The following P3H3 variants were observed in gnomAD, a reference collection of about 807,000 sequenced individuals.
The protein encoded by P3H3 is prolyl 3-hydroxylase 3, also known as gene rich cluster, B.
Under a neutral mutation model 78.1 loss-of-function variants are expected in P3H3, and 64 were observed. The ratio of observed to expected loss-of-function variants is 0.82; its 90% CI spans 0.67 to 1.01. P3H3 has a LOEUF of 1.01. Among genes scored for constraint, P3H3 ranks in the 50% least tolerant of loss-of-function variants. P3H3 has a pLI of 0.00. For missense variants in P3H3, 975 were observed against 982.2 expected, an observed-to-expected ratio of 0.99 and a Z score of 0.10; for synonymous variants, 425 against 416.7, an observed-to-expected ratio of 1.02 and a Z score of -0.24.
intron 11 of P3H3, 70 bp downstream of exon 11, chr12:6,837,643 C>A (rs1943513080): frequency 6.3e-7 from 1 of 1,580,170 alleles, no homozygotes; most frequent in African/African-American, 1.4e-5. Context: ...CCCCCAAGAG[C>A]CCCGGGGTGG....
chr12:6,833,724 GC>G lies in P3H3; in HGVS notation c.1266-17del. 6.3e-7 allele frequency: 1 copy of G among 1,598,482 alleles called. No homozygotes were observed. The highest frequency in any genetic ancestry group is 8.6e-7 in the Non-Finnish European group (1 of 1,165,910). On this transcript the variant is annotated splice_polypyrimidine_tract_variant and intron_variant, in intron 7 of 14. Transcript: ENST00000290510. ...GGACTGTCCTGGGCACCCACTGAGC[GC>G]ATCTCTCACCCCTGAGAGAGGATCA...
chr12:6,839,375 G>A lies in P3H3; in HGVS notation c.2125G>A (p.Asp709Asn), dbSNP rs1555122763. The A allele has an allele frequency of 6.4e-7, 1 of 1,553,408 alleles. No homozygotes were observed. Among genetic ancestry groups the A allele is most frequent in the East Asian group, 2.4e-5 (1 of 40,996 alleles). ...EEEEEEMPSK[D>N]PSPEPPSRRH... ...GGAAGAGGAAGAAATGCCCAGCAAA[G>A]ACCCTTCCCCAGAGCCCCCTAGCCG... The change falls in exon 15 of 15, where the codon GAC (aspartate) becomes AAC (asparagine). Residue 709 changes from aspartate to asparagine, a missense_variant. By Grantham distance (23) the Asp-to-Asn change is conservative. Coordinates refer to ENST00000290510, the MANE Select transcript of P3H3 (RefSeq NM_014262.5).
At position 6,829,040 on chromosome 12, in the gene P3H3, C is replaced by T; in HGVS notation, c.498+102C>T. The stretch of plus-strand genomic sequence containing the variant: ...AGGCGGAATGCTGTTGCCCGGGCCC[C>T]GCACGGGGCTGGGGAGCGTACCGCG... On this transcript the variant is annotated intron_variant, in intron 1 of 14. Transcript: ENST00000290510. This position sits in a 1 kb window ranked among gnomAD's most constrained non-coding sequence, Gnocchi z 5.1. 6.9e-6 allele frequency: 5 copies of T among 723,272 alleles called. No individual in the cohort carries two copies. The highest frequency in any genetic ancestry group is 6.8e-5 in the East Asian group (2 of 29,382). 44.8% of individuals were successfully genotyped at this position (723,272 alleles called of 1,614,324 possible). A position where few individuals can be genotyped will look rare whatever the true frequency, so the allele number is the denominator to read the frequency against.
At chr12:6,834,801 G>T (rs1447897278) in intron 9 of P3H3, 1 of 152,158 alleles carries the variant, frequency 6.6e-6, no homozygotes, top group Non-Finnish European at 1.5e-5. Context: ...AGCCAGGCGT[G>T]GTGGCACATG....
At chr12:6,833,514 T>G in intron 6 of P3H3, 78 bp from the exon 7 acceptor site, 709 of 1,366,560 alleles carry the variant, frequency 5.2e-4, no homozygotes, top group Non-Finnish European at 6.7e-4. Context: ...AGAAACTTAA[T>G]GAGATATTTC....
At position 6,837,094 on chromosome 12, in the gene P3H3, C is replaced by A. The variant is rs1471408708; in HGVS notation, c.1560+8C>A. The A allele has an allele frequency of 1.3e-6, 2 of 1,597,530 alleles. No homozygotes were observed. The highest frequency in any genetic ancestry group is 1.7e-6 in the Non-Finnish European group (2 of 1,176,442). ...GTGCTTAAGGCTGCGCAGGTGAGCACAGGAGGCACCCGGGCCCGTCTGATG... is the reference window on the plus strand; with the variant it reads ...GTGCTTAAGGCTGCGCAGGTGAGCAAAGGAGGCACCCGGGCCCGTCTGATG... On this transcript the variant is annotated splice_region_variant and intron_variant, in intron 10 of 14. Transcript: ENST00000290510.
At chr12:6,833,483 G>A (rs1943468166) in intron 6 of P3H3, 109 bp from the exon 7 acceptor site, 5 of 1,140,126 alleles carry the variant, frequency 4.4e-6, no homozygotes, top group African/African-American at 3.1e-5. Context: ...TCCTACCTCC[G>A]TCTTCCTCTC....
chr12:6,838,060 G>A (rs1555122514), intron 13 of P3H3, 27 bp downstream of exon 13: 3 of 1,579,822 alleles, frequency 1.9e-6, no homozygotes, highest in South Asian at 1.2e-5. Flanking sequence ...GTGTGACGGT[G>A]TGACAAAGGG....
Position 6,839,089 on chromosome 12 carries a change from G to C in P3H3, c.1995G>C (p.Arg665=). 1.9e-6 allele frequency: 3 copies of C among 1,610,882 alleles called. No homozygotes were observed. The highest frequency in any genetic ancestry group is 2.5e-6 in the Non-Finnish European group (3 of 1,179,430). The part of the protein sequence containing the change: ...PHGVWAVTRG[R]RCALALWHTW... ...GGGTGTGGGCCGTGACTCGGGGACG[G>C]CGCTGTGCCCTGGCACTGTGGCACA... The change falls in exon 14 of 15, where the codon CGG becomes CGC. Residue 665 remains arginine (R), a synonymous_variant. Coordinates refer to ENST00000290510, the MANE Select transcript of P3H3 (RefSeq NM_014262.5).
chr12:6,837,695 G>A (rs911935116), intron 11 of P3H3, 37 bp from the exon 12 acceptor site: 3 of 1,593,190 alleles, frequency 1.9e-6, no homozygotes, highest in Middle Eastern at 3.3e-4. Context: ...ATGGGCACAG[G>A]GGCACAGAGG....
In P3H3 at chr12:6,833,972, C is replaced by G. The variant is rs371630411; in HGVS notation, c.1381C>G (p.Leu461Val). ...GVTLTQDSRQ[L>V]NGSERAVLDG... Reference sequence around the variant, plus strand: ...GACCTTGACCCAGGATTCCAGGCAGCTGAATGGGTCGGAGCGGGCGGTGTT... The same window carrying G: ...GACCTTGACCCAGGATTCCAGGCAGGTGAATGGGTCGGAGCGGGCGGTGTT... The change falls in exon 9 of 15, where the codon CTG (leucine) becomes GTG (valine). Residue 461 changes from leucine to valine, a missense_variant. Transcript: ENST00000290510. 6.8e-5 allele frequency: 109 copies of G among 1,613,804 alleles called. No homozygotes were observed. Among genetic ancestry groups the G allele is most frequent in the Non-Finnish European group, 9.0e-5 (106 of 1,179,898 alleles).
intron 14 of P3H3, 66 bp from the exon 15 acceptor site, chr12:6,839,230 CA>C: frequency 1.3e-6 from 2 of 1,567,962 alleles, no homozygotes; most frequent in Non-Finnish European, 1.7e-6. Flanking sequence ...CGGTGAGGGT[CA>C]GGGGCTGAGC....
chr12:6,833,813 A>T lies in P3H3; in HGVS notation c.1333+4A>T. On this transcript the variant is annotated splice_donor_region_variant and intron_variant, in intron 8 of 14. Transcript: ENST00000290510. ...AAGCCCTTGACCTACTGGAAGGGTGAGTTCCTGGGAGGGAGAAGGCAGGAG... is the reference window on the plus strand; with the variant it reads ...AAGCCCTTGACCTACTGGAAGGGTGTGTTCCTGGGAGGGAGAAGGCAGGAG... 1.2e-6 allele frequency: 2 copies of T among 1,611,596 alleles called. No homozygotes were observed. Among genetic ancestry groups the T allele is most frequent in the Non-Finnish European group, 1.7e-6 (2 of 1,177,818 alleles).
chr12:6,828,458 G>GCC lies in P3H3; in HGVS notation c.19_20dup (p.Leu8ArgfsTer19). The GCC allele has an allele frequency of 8.9e-7, 1 of 1,117,852 alleles. No homozygotes were observed. The highest frequency in any genetic ancestry group is 1.2e-6 in the Non-Finnish European group (1 of 808,970). 69.2% of individuals were successfully genotyped at this position (1,117,852 alleles called of 1,614,324 possible). On this transcript the variant is annotated frameshift_variant, in exon 1 of 15. Transcript: ENST00000290510. LOFTEE classifies it high-confidence loss of function. Reference sequence around the variant, plus strand: ...CCGACATCATGCTCCGGCTCCTCCGGCCGCTGCTGCTACTGCTGCTGCTGC... The same window carrying GCC: ...CCGACATCATGCTCCGGCTCCTCCGGCCCCGCTGCTGCTACTGCTGCTGCTGC...
chr12:6,831,863 G>T lies in P3H3; in HGVS notation c.1161G>T (p.Lys387Asn). ...QRFILRSLGEKRQLYYAMEHL... is the reference protein window; with the variant it reads ...QRFILRSLGENRQLYYAMEHL... ...TCATCCTCCGATCCCTGGGGGAGAAGAGGCAGCTCTACTATGCCATGGAGC... is the reference window on the plus strand; with the variant it reads ...TCATCCTCCGATCCCTGGGGGAGAATAGGCAGCTCTACTATGCCATGGAGC... Residue 387 changes from lysine to asparagine, a missense_variant, in exon 6 of 15, where the codon AAG (lysine) becomes AAT (asparagine). By Grantham distance (94) the Lys-to-Asn change is moderately conservative. Transcript: ENST00000290510. The surrounding 1 kb of genome is among the most constrained non-coding windows in gnomAD (Gnocchi z 4.6). The T allele has an allele frequency of 6.2e-7, 1 of 1,609,374 alleles. No homozygotes were observed. The highest frequency in any genetic ancestry group is 8.5e-7 in the Non-Finnish European group (1 of 1,177,404).
chr12:6,830,329 A>T, intron 2 of P3H3, 24 bp from the exon 3 acceptor site: 1 of 1,559,816 alleles, frequency 6.4e-7, no homozygotes, highest in Non-Finnish European at 8.7e-7. Flanking sequence ...ATCTTAGGTG[A>T]CTGACTGCTC....
intron 12 of P3H3, 40 bp from the exon 13 acceptor site, chr12:6,837,918 G>T (rs1204648894): frequency 1.9e-6 from 3 of 1,592,840 alleles, no homozygotes; most frequent in Non-Finnish European, 2.6e-6. Flanking sequence ...CCTGGGCCTG[G>T]GTTGGGGTCT....
chr12:6,838,897 C>A, intron 13 of P3H3, 103 bp from the exon 14 acceptor site: 1 of 978,958 alleles, frequency 1.0e-6, no homozygotes, highest in Non-Finnish European at 1.5e-6. Context: ...AGCGAGAGAG[C>A]TGATCCTCTC....
intron 9 of P3H3, among the ~76,000 whole-genome samples, chr12:6,834,440 C>A (rs1157627466): frequency 6.6e-6 from 1 of 152,130 alleles, no homozygotes; most frequent in East Asian, 1.9e-4. Flanking sequence ...GTTGAGGCTA[C>A]CATTTTATGA....
Sources: allele counts gnomAD v4.1 joint callset (sites outside exome capture counted in the v4.1 genomes callset), GRCh38; gene constraint gnomAD v4.1.1; non-coding constraint Gnocchi (gnomAD v3.1); transcripts MANE v1.5; gene names NCBI Gene and HGNC (gene_info 2026-07-23, HGNC 2026-07-21).